CTNND2: variants seen among roughly 807,000 people sequenced by gnomAD.
CTNND2 encodes the protein catenin delta-2.
In CTNND2, 22 loss-of-function variants were observed where a neutral mutation model predicts 144.4. The ratio of observed to expected loss-of-function variants is 0.15; its 90% confidence interval spans 0.11 to 0.22. CTNND2 has a LOEUF of 0.22. CTNND2 is among the 10% of genes least tolerant of loss of function. The pLI, the probability that CTNND2 is intolerant of heterozygous loss-of-function variation, is 1.00. For missense variants in CTNND2, 1,353 were observed against 1,618.8 expected (o/e 0.84, Z 2.82); for synonymous variants, 751 against 695.6 (o/e 1.08, Z -1.25).
At chr5:11,663,471 C>T (rs1783392108) in intron 2 of CTNND2, among the ~76,000 whole-genome samples, 1 of 152,108 alleles carries the variant, frequency 6.6e-6, no homozygotes. Flanking sequence ...AAAAAGATGT[C>T]TATTCCTGGA....
chr5:11,354,305 G>A (rs916252812), intron 8 of CTNND2, among the ~76,000 whole-genome samples: 2 of 152,132 alleles, frequency 1.3e-5, no homozygotes, highest in African/African-American at 4.8e-5. Flanking sequence ...TGGCATAAAA[G>A]GTATATTATA....
chr5:11,875,278 T>C (rs1237104095), intron 1 of CTNND2, among the ~76,000 whole-genome samples: 1 of 152,178 alleles, frequency 6.6e-6, no homozygotes, highest in Admixed American at 6.5e-5. Flanking sequence ...TCCTACAACC[T>C]CAATCTTTGC....
chr5:11,885,989 A>G (rs1736500576), intron 1 of CTNND2, among the ~76,000 whole-genome samples: 1 of 152,132 alleles, frequency 6.6e-6, no homozygotes, highest in Admixed American at 6.5e-5. Flanking sequence ...AAAAATGGAA[A>G]CACAACACAA....
chr5:11,829,715 G>A (rs532694019), intron 1 of CTNND2, among the ~76,000 whole-genome samples: 1 of 152,322 alleles, frequency 6.6e-6, no homozygotes. Flanking sequence ...GGAAATGTGG[G>A]GTCAGAGGCC....
chr5:11,523,117 CA>C (rs1161019110), intron 3 of CTNND2, among the ~76,000 whole-genome samples: 1 of 152,104 alleles, frequency 6.6e-6, no homozygotes, highest in African/African-American at 2.4e-5. Flanking sequence ...ACACTTAATC[CA>C]CATATACTAG....
intron 1 of CTNND2, among the ~76,000 whole-genome samples, chr5:11,873,127 T>C (rs1444847852): frequency 2.0e-5 from 3 of 152,160 alleles, no homozygotes; most frequent in Non-Finnish European, 2.9e-5. Flanking sequence ...CTAAAATCTG[T>C]AGAAAACTAA....
chr5:11,539,693 T>C (rs188242816), intron 3 of CTNND2, among the ~76,000 whole-genome samples: 3 of 152,194 alleles, frequency 2.0e-5, no homozygotes, highest in Non-Finnish European at 4.4e-5. Context: ...CCACTGGGGC[T>C]CTCATGGCAC....
intron 12 of CTNND2, among the ~76,000 whole-genome samples, chr5:11,125,608 G>A (rs149945174): frequency 6.6e-5 from 10 of 152,306 alleles, no homozygotes; most frequent in African/African-American, 2.2e-4. Context: ...CAGCCCAGAG[G>A]GGAGAAACAT....
In CTNND2 at chr5:11,876,647, C is replaced by A. The variant is rs374218870; in HGVS notation, c.37+27170G>T. Among the ~76,000 whole-genome samples the A allele has an allele frequency of 1.5e-4, 23 of 152,196 alleles. No homozygotes were observed. The East Asian group carries it at 3.3e-3, about 22-fold the overall frequency. ...GTAGCCTGATCTGGGTAAAAGACTG[C>A]TTTTAAAACACACCACATTATTAAA... is the stretch of plus-strand genomic sequence containing the variant. On this transcript the variant is annotated intron_variant, in intron 1 of 21. Transcript: ENST00000304623.
intron 2 of CTNND2, among the ~76,000 whole-genome samples, chr5:11,647,145 C>T (rs775650421): frequency 6.6e-6 from 1 of 152,152 alleles, no homozygotes; most frequent in African/African-American, 2.4e-5. Context: ...CTGTTCTTTG[C>T]TCTCTTCCTC....
chr5:11,883,420 G>T (rs1391920653), intron 1 of CTNND2, among the ~76,000 whole-genome samples: 3 of 152,174 alleles, frequency 2.0e-5, no homozygotes, highest in Admixed American at 1.3e-4. Flanking sequence ...CTATGAATGA[G>T]AACATGTGGT....
At chr5:11,433,442 A>G (rs1012025157) in intron 3 of CTNND2, among the ~76,000 whole-genome samples, 2 of 152,188 alleles carry the variant, frequency 1.3e-5, no homozygotes, top group African/African-American at 4.8e-5. Flanking sequence ...CTATTCTTGC[A>G]CTGTTAAAAG....
At chr5:11,409,223 C>T (rs1009072067) in intron 5 of CTNND2, among the ~76,000 whole-genome samples, 3 of 151,876 alleles carry the variant, frequency 2.0e-5, no homozygotes, top group African/African-American at 7.2e-5. Context: ...AATATTAGTA[C>T]ATTTTGCTTA....
At chr5:11,901,459 C>T in intron 1 of CTNND2, among the ~76,000 whole-genome samples, 1 of 152,268 alleles carries the variant, frequency 6.6e-6, no homozygotes, top group Middle Eastern at 3.4e-3. Flanking sequence ...ATTTTTGTCT[C>T]TGATGAACAA....
chr5:11,685,252 G>C (rs1037453601), intron 2 of CTNND2, among the ~76,000 whole-genome samples: 3 of 152,176 alleles, frequency 2.0e-5, no homozygotes, highest in African/African-American at 7.2e-5. Flanking sequence ...CTGGGCATAA[G>C]AGCTAAGGGA....
At chr5:11,432,280 G>GA (rs11338263) in intron 3 of CTNND2, among the ~76,000 whole-genome samples, 41 of 140,104 alleles carry the variant, frequency 2.9e-4, no homozygotes, top group South Asian at 4.5e-4. Flanking sequence ...GACATGGGCT[G>GA]AAAAAAAAAA....
intron 16 of CTNND2, among the ~76,000 whole-genome samples, chr5:11,042,632 G>A (rs555398457): frequency 3.4e-4 from 52 of 152,272 alleles, no homozygotes; most frequent in African/African-American, 1.2e-3. Flanking sequence ...GTTTCCACAT[G>A]GCAATTCTAC....
At chr5:11,131,392 G>T (rs1280661322) in intron 12 of CTNND2, among the ~76,000 whole-genome samples, 3 of 152,190 alleles carry the variant, frequency 2.0e-5, no homozygotes, top group Non-Finnish European at 4.4e-5. Flanking sequence ...ACTAATAAGG[G>T]TTTATAGATT....
intron 10 of CTNND2, among the ~76,000 whole-genome samples, chr5:11,226,077 A>T (rs951883757): frequency 1.3e-5 from 2 of 152,200 alleles, no homozygotes; most frequent in African/African-American, 4.8e-5. Flanking sequence ...CAGAGTGACC[A>T]TGGCCCTGCC....
Sources: allele counts gnomAD v4.1 joint callset (sites outside exome capture counted in the v4.1 genomes callset), GRCh38; gene constraint gnomAD v4.1.1; transcripts MANE v1.5; gene names NCBI Gene and HGNC (gene_info 2026-07-23, HGNC 2026-07-21).